The following PARVB variants were observed in gnomAD, a reference collection of about 807,000 sequenced individuals.
PARVB encodes beta-parvin.
In PARVB, 46 loss-of-function variants were observed where a neutral mutation model predicts 47.0. That is an observed-to-expected ratio of 0.98 (90% confidence interval 0.77 to 1.25). The LOEUF is 1.25. Among genes scored for constraint, PARVB ranks in the 50% most tolerant of loss-of-function variants. The pLI is 0.00. For synonymous variants in PARVB, 196 were observed against 196.3 expected (o/e 1.00, Z 0.01); for missense variants, 473 against 471.6 (o/e 1.00, Z -0.03).
At chr22:44,082,109 C>CT (rs1296716069) in intron 1 of PARVB, among the ~76,000 whole-genome samples, 2 of 152,060 alleles carry the variant, frequency 1.3e-5, no homozygotes, top group African/African-American at 2.4e-5. Flanking sequence ...TGGGGTAGCT[C>CT]TTTTTTGGGG....
At chr22:44,119,831 G>A (rs742550) in intron 4 of PARVB, 7,699 of 532,494 alleles carry the variant, frequency 0.014, 75 homozygotes, top group Non-Finnish European at 0.018. Context: ...CGGAGATGCC[G>A]CAGGTTCTGA....
chr22:44,164,409 T>TAC (rs71313385), intron 12 of PARVB, among the ~76,000 whole-genome samples: 1 of 142,220 alleles, frequency 7.0e-6, no homozygotes, highest in African/African-American at 2.6e-5. Flanking sequence ...TGCTTCCCTG[T>TAC]CCCCCCCCCG....
chr22:44,126,773 G>T (rs968308367), intron 4 of PARVB, among the ~76,000 whole-genome samples: 9 of 152,106 alleles, frequency 5.9e-5, no homozygotes, highest in Non-Finnish European at 1.0e-4. Flanking sequence ...TTTTATTTCT[G>T]ATTCTTTTGC....
At chr22:44,135,181 C>T (rs2053416199) in intron 6 of PARVB, among the ~76,000 whole-genome samples, 1 of 152,162 alleles carries the variant, frequency 6.6e-6, no homozygotes. Context: ...ATTAGCCACC[C>T]AGGCTCCATC....
intron 3 of PARVB, among the ~76,000 whole-genome samples, chr22:44,116,494 G>A (rs2052905720): frequency 6.6e-6 from 1 of 152,204 alleles, no homozygotes; most frequent in South Asian, 2.1e-4. Context: ...GGCCTCGTCT[G>A]TCCTGTTTGT....
At chr22:44,033,820 G>T (rs1361265318) in intron 1 of PARVB, among the ~76,000 whole-genome samples, 2 of 152,134 alleles carry the variant, frequency 1.3e-5, no homozygotes, top group African/African-American at 2.4e-5. Context: ...AGCACTCCTA[G>T]GGCCTGCGTA....
intron 1 of PARVB, among the ~76,000 whole-genome samples, chr22:44,090,389 G>C (rs1206167600): frequency 6.6e-6 from 1 of 152,202 alleles, no homozygotes; most frequent in Non-Finnish European, 1.5e-5. Flanking sequence ...AGCAGTCCCT[G>C]GGCGGTGTTC....
At chr22:44,032,372 C>T (rs1460445407) in intron 1 of PARVB, among the ~76,000 whole-genome samples, 1 of 152,066 alleles carries the variant, frequency 6.6e-6, no homozygotes, top group African/African-American at 2.4e-5. Flanking sequence ...GTGTCTGGGC[C>T]GTGGGGACTG....
chr22:44,042,883 T>C (rs2051044385), intron 1 of PARVB, among the ~76,000 whole-genome samples: 1 of 152,216 alleles, frequency 6.6e-6, no homozygotes, highest in African/African-American at 2.4e-5. Flanking sequence ...AATATCCTTT[T>C]TGTAAATACT....
chr22:44,158,125 G>T (rs764726085), intron 11 of PARVB, 42 bp downstream of exon 11: 7 of 1,340,612 alleles, frequency 5.2e-6, no homozygotes, highest in African/African-American at 4.3e-5. Flanking sequence ...CTCAAGAAAT[G>T]CTCATTGAAA....
chr22:44,021,813 ACACAG>A (rs1234130659), upstream of PARVB, among the ~76,000 whole-genome samples: 1 of 140,688 alleles, frequency 7.1e-6, no homozygotes, highest in Non-Finnish European at 1.5e-5. Flanking sequence ...ACACACACAC[ACACAG>A]GGCCTAGTAG....
chr22:44,142,381 A>G (rs1246100374), intron 8 of PARVB: 1 of 27,226 alleles, frequency 3.7e-5, no homozygotes, highest in East Asian at 1.2e-3. Context: ...CTGTCTCAAA[A>G]AAAAAAAAAA....
chr22:44,166,538 C>T (rs922016083), intron 12 of PARVB, among the ~76,000 whole-genome samples: 11 of 152,228 alleles, frequency 7.2e-5, no homozygotes, highest in Non-Finnish European at 1.2e-4. Flanking sequence ...TGCCGCTGGA[C>T]GGCACGTTAG....
At chr22:44,066,799 C>T (rs568018808) in intron 1 of PARVB, among the ~76,000 whole-genome samples, 5 of 145,704 alleles carry the variant, frequency 3.4e-5, no homozygotes, top group African/African-American at 1.0e-4. Flanking sequence ...CCTCCTCCTC[C>T]TCCTCCTCCT....
chr22:44,118,398 A>T (rs568300453), intron 3 of PARVB, among the ~76,000 whole-genome samples: 1 of 152,326 alleles, frequency 6.6e-6, no homozygotes, highest in East Asian at 1.9e-4. Flanking sequence ...CTTTTAAAGG[A>T]TGAATTGTGT....
At chr22:44,093,142 G>A (rs738477) in intron 1 of PARVB, among the ~76,000 whole-genome samples, 74,006 of 152,074 alleles carry the variant, frequency 0.49, 18,668 homozygotes, top group East Asian at 0.86. Flanking sequence ...GAGAAAGCGT[G>A]ACATTACAGA....
At chr22:44,046,191 T>G (rs1295919265) in intron 1 of PARVB, among the ~76,000 whole-genome samples, 5 of 152,242 alleles carry the variant, frequency 3.3e-5, no homozygotes, top group Admixed American at 3.3e-4. Flanking sequence ...GTGGGATTGT[T>G]GTCCTTGCCA....
At position 44,077,864 on chromosome 22, in the gene PARVB, A is replaced by G. The variant is rs1480919728; in HGVS notation, c.113-16064A>G. Among the ~76,000 whole-genome samples the G allele has an allele frequency of 3.9e-5, 6 of 151,956 alleles. No individual in the cohort carries two copies. In the East Asian group the frequency reaches 9.7e-4, roughly 25 times the overall value. On this transcript the variant is annotated intron_variant, in intron 1 of 12. Coordinates refer to ENST00000338758, the MANE Select transcript of PARVB (RefSeq NM_013327.5). Reference sequence around the variant, plus strand: ...AGGCACCTACCATGACACTCGGCTAATTTTTGTGTTTTTAGTTGAGACGGG... The same window carrying G: ...AGGCACCTACCATGACACTCGGCTAGTTTTTGTGTTTTTAGTTGAGACGGG...
At chr22:44,142,660 C>G (rs2053580118) in intron 8 of PARVB, 1 of 152,066 alleles carries the variant, frequency 6.6e-6, no homozygotes, top group African/African-American at 2.4e-5. Context: ...CAGTGGCTCC[C>G]TAGGTAAGAG....
Sources: gnomAD v4.1 joint callset for allele counts (sites outside exome capture counted in the v4.1 genomes callset) on GRCh38, gnomAD v4.1.1 for gene constraint, MANE v1.5 for transcripts, NCBI Gene and HGNC (gene_info 2026-07-23, HGNC 2026-07-21) for gene names.